The following TTC7A variants were observed in gnomAD, a reference collection of about 807,000 sequenced individuals.
TTC7A encodes tetratricopeptide repeat protein 7A.
In TTC7A, 110 loss-of-function variants were observed where a neutral mutation model predicts 103.7. That is an observed-to-expected ratio of 1.06 (90% CI 0.91 to 1.24). TTC7A has a LOEUF of 1.24. Among genes scored for constraint, TTC7A ranks in the 50% most tolerant of loss-of-function variants. The probability of loss-of-function intolerance (pLI) is 0.00; values close to 1 mark genes in which losing one functional copy is unlikely to be tolerated. For missense variants in TTC7A, 1,340 were observed against 1,116.3 expected (o/e 1.20, Z -2.86); for synonymous variants, 521 against 467.9 (o/e 1.11, Z -1.47).
At chr2:46,946,618 C>T (rs1218936402) in intron 1 of TTC7A, among the ~76,000 whole-genome samples, 1 of 152,086 alleles carries the variant, frequency 6.6e-6, no homozygotes, top group East Asian at 1.9e-4. Context: ...GACAGAGTCT[C>T]ACTATGTTGA....
chr2:46,995,881 A>G (rs1014097318), intron 8 of TTC7A, among the ~76,000 whole-genome samples: 1 of 152,272 alleles, frequency 6.6e-6, no homozygotes, highest in African/African-American at 2.4e-5. Context: ...TTAATCAAAA[A>G]CTACAATATG....
At chr2:47,072,819 CT>C (rs1271627516) in intron 19 of TTC7A, among the ~76,000 whole-genome samples, 4 of 150,978 alleles carry the variant, frequency 2.6e-5, no homozygotes, top group African/African-American at 9.8e-5. Context: ...GGGCCCTGCC[CT>C]CTCCCTCCAC....
At chr2:46,992,514 C>G (rs371876216) in intron 5 of TTC7A, among the ~76,000 whole-genome samples, 6 of 152,196 alleles carry the variant, frequency 3.9e-5, no homozygotes, top group Middle Eastern at 3.2e-3. Context: ...TCAGAAAGGA[C>G]TTGCTTGAGT....
intron 10 of TTC7A, among the ~76,000 whole-genome samples, chr2:47,010,809 C>T (rs963426040): frequency 2.0e-5 from 3 of 152,222 alleles, no homozygotes; most frequent in Non-Finnish European, 2.9e-5. Context: ...AAGCGATTCT[C>T]GTGTCTCAGC....
chr2:46,970,925 C>T (rs1558522509), intron 3 of TTC7A, among the ~76,000 whole-genome samples: 1 of 152,256 alleles, frequency 6.6e-6, no homozygotes, highest in South Asian at 2.1e-4. Context: ...CAGGCCAAGG[C>T]AACCGAACTT....
chr2:46,956,297 C>T (rs1304467506), intron 2 of TTC7A, among the ~76,000 whole-genome samples: 1 of 152,180 alleles, frequency 6.6e-6, no homozygotes, highest in Non-Finnish European at 1.5e-5. Context: ...CAGGCCCTCT[C>T]CTCCTCAATC....
At chr2:47,061,748 C>T (rs891594900) in intron 19 of TTC7A, among the ~76,000 whole-genome samples, 2 of 152,242 alleles carry the variant, frequency 1.3e-5, no homozygotes, top group African/African-American at 2.4e-5. Flanking sequence ...CCAGCTCTGA[C>T]AGGTGATATA....
At chr2:46,938,774 G>A (rs139179720), upstream of TTC7A, among the ~76,000 whole-genome samples, 418 of 152,290 alleles carry the variant, frequency 2.7e-3, 1 homozygote, top group African/African-American at 9.6e-3. Context: ...AGCACTTTGG[G>A]AGGCCAAGGC....
rs553269542 is a variant in TTC7A at position 46,950,533 on chromosome 2, C to G, written c.348+7C>G. 5 of 1,613,558 alleles carry G rather than the reference C, an allele frequency of 3.1e-6. No individual in the cohort carries two copies. The African/African-American group carries it at 5.3e-5, about 17-fold the overall frequency. ...TAACCATGGGAGGCTCTCGGTAAGTCGTCAGCCTTCAAGCCTGAGACCTCC... is the reference window on the plus strand; with the variant it reads ...TAACCATGGGAGGCTCTCGGTAAGTGGTCAGCCTTCAAGCCTGAGACCTCC... On this transcript the variant is annotated splice_region_variant and intron_variant, in intron 2 of 19. Coordinates refer to ENST00000319190, the MANE Select transcript of TTC7A (RefSeq NM_020458.4).
At chr2:46,931,692 T>TAACA (rs370894593) in intron 2 of TTC7A, among the ~76,000 whole-genome samples, 1 of 148,548 alleles carries the variant, frequency 6.7e-6, no homozygotes, top group African/African-American at 2.5e-5. Context: ...AAACAGACAA[T>TAACA]AATAAATAAA....
rs757438842 is a variant in TTC7A, at chr2:47,051,818, C to T, written c.2090C>T (p.Ser697Leu). The change falls in exon 18 of 20, where the codon TCG (serine) becomes TTG (leucine). Residue 697 changes from serine to leucine, a missense_variant. By Grantham distance (145) the Ser-to-Leu change is moderately radical (BLOSUM62 -2). Transcript: ENST00000319190. Reference sequence around the variant, plus strand: ...ATGTCAGAGCTGACTATGCCCTCTTCGGTCCTGAAGCAGGGCCCCATGCAG... The same window carrying T: ...ATGTCAGAGCTGACTATGCCCTCTTTGGTCCTGAAGCAGGGCCCCATGCAG... ...EAMSELTMPS[S>L]VLKQGPMQLW... is the part of the protein sequence containing the mutation. The T allele has an allele frequency of 7.4e-6, 12 of 1,612,062 alleles. No individual in the cohort carries two copies. The highest frequency in any genetic ancestry group is 4.0e-5 in the African/African-American group (3 of 74,890).
chr2:46,963,449 G>A (rs1672563044), intron 3 of TTC7A, among the ~76,000 whole-genome samples: 1 of 152,242 alleles, frequency 6.6e-6, no homozygotes, highest in African/African-American at 2.4e-5. Flanking sequence ...CCAGCCGGTA[G>A]TGCTGCTGCT....
At chr2:47,069,850 C>A (rs372221677) in intron 19 of TTC7A, among the ~76,000 whole-genome samples, 1 of 152,246 alleles carries the variant, frequency 6.6e-6, no homozygotes, top group African/African-American at 2.4e-5. Flanking sequence ...TGTCCCCAAA[C>A]GCAGGCTCCA....
intron 11 of TTC7A, among the ~76,000 whole-genome samples, chr2:47,019,952 C>A (rs77068664): frequency 1.3e-5 from 2 of 152,200 alleles, no homozygotes; most frequent in East Asian, 3.8e-4. Context: ...TTGTTGCCTC[C>A]TTTTCCACCT....
intron 10 of TTC7A, among the ~76,000 whole-genome samples, chr2:47,008,419 C>T (rs544910720): frequency 2.0e-4 from 31 of 152,326 alleles, no homozygotes; most frequent in Non-Finnish European, 3.2e-4. Flanking sequence ...CTCTGACTAG[C>T]TGGACTCAGA....
At chr2:47,002,102 C>G (rs925670080) in intron 8 of TTC7A, among the ~76,000 whole-genome samples, 10 of 152,160 alleles carry the variant, frequency 6.6e-5, no homozygotes, top group African/African-American at 2.4e-4. Context: ...CCTCTTCTGA[C>G]CTGCCAGAAG....
intron 3 of TTC7A, among the ~76,000 whole-genome samples, chr2:46,958,306 G>C (rs1020190686): frequency 6.6e-6 from 1 of 152,224 alleles, no homozygotes; most frequent in African/African-American, 2.4e-5. Flanking sequence ...CCCGCTCTGC[G>C]CCTCTGGCAC....
intron 5 of TTC7A, among the ~76,000 whole-genome samples, chr2:46,979,505 T>A (rs1674225926): frequency 6.6e-6 from 1 of 152,160 alleles, no homozygotes; most frequent in Non-Finnish European, 1.5e-5. Context: ...TACTGGCCTA[T>A]CTGAGACCTA....
At chr2:47,026,654 G>A (rs780390556) in intron 14 of TTC7A, among the ~76,000 whole-genome samples, 1 of 148,542 alleles carries the variant, frequency 6.7e-6, no homozygotes, top group Non-Finnish European at 1.5e-5. Context: ...CCTTCAGGCT[G>A]GAAGGAAGGT....
Sources: gnomAD v4.1 joint callset for allele counts (sites outside exome capture counted in the v4.1 genomes callset) on GRCh38, gnomAD v4.1.1 for gene constraint, MANE v1.5 for transcripts, NCBI Gene and HGNC (gene_info 2026-07-23, HGNC 2026-07-21) for gene names.